Variants in SLC25A28 observed in about 807,000 individuals in gnomAD.
SLC25A28 encodes the protein mitoferrin-2.
SLC25A28 carries 10 observed loss-of-function variants against 31.9 expected under a neutral mutation model. The ratio of observed to expected loss-of-function variants is 0.31; its 90% CI spans 0.19 to 0.53. The LOEUF (loss-of-function observed/expected upper bound fraction) is 0.53. Among genes scored for constraint, SLC25A28 ranks in the 20% least tolerant of loss-of-function variants. The pLI, the probability that SLC25A28 is intolerant of heterozygous loss-of-function variation, is 0.95. For missense variants in SLC25A28, 256 were observed against 490.3 expected, an observed-to-expected ratio of 0.52 and a Z score of 4.51; for synonymous variants, 208 against 203.6, an observed-to-expected ratio of 1.02 and a Z score of -0.19.
At chr10:99,629,576 A>G in the SLC25A28 span, among the ~76,000 whole-genome samples, 2 of 152,264 alleles carry the variant, frequency 1.3e-5, no homozygotes, top group African/African-American at 4.8e-5. Flanking sequence ...TGCAATGAAT[A>G]TAATTCAACC....
At chr10:99,640,290 G>C in the SLC25A28 span, among the ~76,000 whole-genome samples, 4 of 152,220 alleles carry the variant, frequency 2.6e-5, no homozygotes, top group African/African-American at 9.6e-5. Context: ...ACTGGGGATA[G>C]AGAATGCACT....
At chr10:99,649,810 A>C in the SLC25A28 span, among the ~76,000 whole-genome samples, 1 of 151,798 alleles carries the variant, frequency 6.6e-6, no homozygotes, top group African/African-American at 2.4e-5. Context: ...TTAATGTCTC[A>C]TTTTTCATAT....
chr10:99,617,041 G>C, intron 1 of SLC25A28: 2 of 985,296 alleles, frequency 2.0e-6, no homozygotes, highest in South Asian at 9.4e-5. Flanking sequence ...GGAAATTGGA[G>C]ATTTATCTCC....
chr10:99,652,005 CTTTTA>C, the SLC25A28 span: 1 of 152,240 alleles, frequency 6.6e-6, no homozygotes, highest in South Asian at 2.1e-4. Context: ...TCTCTATTTT[CTTTTA>C]TAAGTTTTAT....
At chr10:99,634,112 A>G in the SLC25A28 span, among the ~76,000 whole-genome samples, 1 of 152,190 alleles carries the variant, frequency 6.6e-6, no homozygotes, top group African/African-American at 2.4e-5. Context: ...GTACTACATC[A>G]AGGGAATGCC....
rs1040482265 is a variant in SLC25A28 at position 99,617,019 on chromosome 10, C to A, written c.291+3026G>T. On this transcript the variant is annotated intron_variant, in intron 1 of 3. Coordinates refer to ENST00000370495, the MANE Select transcript of SLC25A28 (RefSeq NM_031212.4). ...TTTCACAGGTGAATATGTATAGATACCATTTACATCTGGAAATTGGAGATT... is the reference window on the plus strand; with the variant it reads ...TTTCACAGGTGAATATGTATAGATAACATTTACATCTGGAAATTGGAGATT... The A allele has an allele frequency of 7.1e-6, 7 of 984,990 alleles. No homozygotes were observed. In the African/African-American group the frequency reaches 1.0e-4, roughly 15 times the overall value. The allele number at this position is 984,990 out of a possible 1,614,324, so 61.0% of individuals were successfully genotyped here.
At chr10:99,639,576 A>C in the SLC25A28 span, among the ~76,000 whole-genome samples, 1 of 152,082 alleles carries the variant, frequency 6.6e-6, no homozygotes. Flanking sequence ...GGAGAGGACC[A>C]AGCTTGATCC....
rs1419279190 is a variant in SLC25A28, at chr10:99,611,811, C to T, written c.578-445G>A. ...ACTTTTAAAATGTGAGATGGTGATC[C>T]TCCTAGAGGGGAGGAGACAGAAGTT... On this transcript the variant is annotated intron_variant, in intron 3 of 3. Transcript: ENST00000370495. This position sits in a 1 kb window ranked among gnomAD's most constrained non-coding sequence, Gnocchi z 5.5. Among the ~76,000 whole-genome samples the T allele has an allele frequency of 6.6e-6, 1 of 152,166 alleles. No homozygotes were observed. Among genetic ancestry groups the T allele is most frequent in the Non-Finnish European group, 1.5e-5 (1 of 68,030 alleles).
chr10:99,648,340 T>C, the SLC25A28 span, among the ~76,000 whole-genome samples: 1 of 152,220 alleles, frequency 6.6e-6, no homozygotes, highest in African/African-American at 2.4e-5. Context: ...AGTACTACAC[T>C]ACTTTGGTGA....
the SLC25A28 span, among the ~76,000 whole-genome samples, chr10:99,630,711 G>T: frequency 6.6e-6 from 1 of 152,144 alleles, no homozygotes; most frequent in African/African-American, 2.4e-5. Flanking sequence ...AAGTCCTAGG[G>T]ATAAAAGATG....
rs2034523270 is a variant in SLC25A28, at chr10:99,611,480, A to C, written c.578-114T>G. 3.0e-6 allele frequency: 4 copies of C among 1,329,478 alleles called. No individual in the cohort carries two copies. The highest frequency in any genetic ancestry group is 5.2e-4 in the Middle Eastern group (2 of 3,814). The allele number at this position is 1,329,478 out of a possible 1,614,324, so 82.4% of individuals were successfully genotyped here. ...TCAGCCAATGGAATAGAGAGAGAAA[A>C]AAGTATGAGTGAGCTGCTGGCTAAC... On this transcript the variant is annotated intron_variant, in intron 3 of 3. Transcript: ENST00000370495. The surrounding 1 kb of genome is among the most constrained non-coding windows in gnomAD (Gnocchi z 5.5).
the SLC25A28 span, among the ~76,000 whole-genome samples, chr10:99,638,785 A>G: frequency 6.6e-6 from 1 of 152,214 alleles, no homozygotes; most frequent in African/African-American, 2.4e-5. Context: ...ATTAAAAAAC[A>G]GTAGATGTTG....
chr10:99,633,488 G>T, the SLC25A28 span, among the ~76,000 whole-genome samples: 1 of 152,024 alleles, frequency 6.6e-6, no homozygotes, highest in Non-Finnish European at 1.5e-5. Flanking sequence ...CTGAGGTCAG[G>T]AGTTCGAGAC....
chr10:99,610,663 C>A lies in SLC25A28; in HGVS notation c.*186G>T, dbSNP rs773146520. 2.7e-5 allele frequency: 18 copies of A among 663,706 alleles called. No individual in the cohort carries two copies. Among genetic ancestry groups the A allele is most frequent in the Non-Finnish European group, 4.1e-5 (16 of 394,242 alleles). 41.1% of individuals were successfully genotyped at this position (663,706 alleles called of 1,614,324 possible). ...GTGCTTTGCTGCACGTGCTTAGGGCCTGGAAGGAAAGGTGGTGGCAACAGA... is the reference window on the plus strand; with the variant it reads ...GTGCTTTGCTGCACGTGCTTAGGGCATGGAAGGAAAGGTGGTGGCAACAGA... On this transcript the variant is annotated 3_prime_UTR_variant, in exon 4 of 4. Transcript: ENST00000370495.
At chr10:99,643,378 T>C in the SLC25A28 span, among the ~76,000 whole-genome samples, 2 of 152,246 alleles carry the variant, frequency 1.3e-5, no homozygotes, top group Non-Finnish European at 1.5e-5. Flanking sequence ...TATTCTCTGA[T>C]GGTAGTTTGT....
chr10:99,657,722 T>G, the SLC25A28 span, among the ~76,000 whole-genome samples: 1 of 151,936 alleles, frequency 6.6e-6, no homozygotes, highest in South Asian at 2.1e-4. Context: ...GTTTCCCTGT[T>G]TTTTGCCGCC....
At chr10:99,654,699 T>G in the SLC25A28 span, among the ~76,000 whole-genome samples, 1 of 152,196 alleles carries the variant, frequency 6.6e-6, no homozygotes, top group South Asian at 2.1e-4. Context: ...CACCTGGAAG[T>G]AGAAAGGGGG....
the SLC25A28 span, among the ~76,000 whole-genome samples, chr10:99,644,922 C>A: frequency 6.6e-6 from 1 of 152,128 alleles, no homozygotes; most frequent in Non-Finnish European, 1.5e-5. Flanking sequence ...GTGAGAGATC[C>A]GCTGTTAGTT....
chr10:99,636,875 G>A, the SLC25A28 span, among the ~76,000 whole-genome samples: 3 of 152,118 alleles, frequency 2.0e-5, no homozygotes, highest in African/African-American at 7.2e-5. Flanking sequence ...AGAAGAATTG[G>A]TACCAATCCT....
Sources: allele counts gnomAD v4.1 joint callset (sites outside exome capture counted in the v4.1 genomes callset), GRCh38; gene constraint gnomAD v4.1.1; non-coding constraint Gnocchi (gnomAD v3.1); transcripts MANE v1.5; gene names NCBI Gene and HGNC (gene_info 2026-07-23, HGNC 2026-07-21).